DCLK2: variants seen among roughly 807,000 people sequenced by gnomAD.
The protein encoded by DCLK2 is serine/threonine-protein kinase DCLK2.
DCLK2 carries 31 observed loss-of-function variants against 78.4 expected under a neutral mutation model. That is an observed-to-expected ratio of 0.40 (90% CI 0.30 to 0.53). The LOEUF (loss-of-function observed/expected upper bound fraction) is 0.53. Ranked by LOEUF, DCLK2 falls within the 20% of genes least tolerant of loss-of-function variation. The pLI, the probability that DCLK2 is intolerant of heterozygous loss-of-function variation, is 0.61. For missense variants in DCLK2, 872 were observed against 973.7 expected, an observed-to-expected ratio of 0.90 and a Z score of 1.39; for synonymous variants, 407 against 374.9, an observed-to-expected ratio of 1.09 and a Z score of -0.99.
chr4:150,146,348 A>C (rs1374844456), intron 2 of DCLK2, among the ~76,000 whole-genome samples: 1 of 152,228 alleles, frequency 6.6e-6, no homozygotes. Context: ...ACAATTTCAC[A>C]AAGTCCTCAG....
chr4:150,243,735 TC>T (rs1459687907), intron 12 of DCLK2, among the ~76,000 whole-genome samples: 1 of 151,946 alleles, frequency 6.6e-6, no homozygotes, highest in Admixed American at 6.6e-5. Context: ...CTTTTTTTTT[TC>T]TTTTTTATAG....
chr4:150,244,620 A>C (rs1241923796), intron 12 of DCLK2, among the ~76,000 whole-genome samples: 1 of 152,258 alleles, frequency 6.6e-6, no homozygotes, highest in East Asian at 1.9e-4. Context: ...TAAAAATGCC[A>C]TGAAGGATCT....
chr4:150,193,130 G>T lies in DCLK2; in HGVS notation c.757-8G>T. On this transcript the variant is annotated splice_region_variant and splice_polypyrimidine_tract_variant and intron_variant, in intron 2 of 15. Transcript: ENST00000296550. ...AATTTATTTCTTGGACATGATTTTT[G>T]TTCTCAGGTTACTTGTCTGCAAGAC... is the stretch of plus-strand genomic sequence containing the variant. 1 of 1,559,710 alleles carries T rather than the reference G, an allele frequency of 6.4e-7. No homozygotes were observed. Among genetic ancestry groups the T allele is most frequent in the Admixed American group, 1.7e-5 (1 of 59,354 alleles).
rs1234345774 is a variant in DCLK2, at chr4:150,126,604, A to G, written c.756+23792A>G. Among the ~76,000 whole-genome samples the G allele has an allele frequency of 7.2e-5, 11 of 152,206 alleles. No individual in the cohort carries two copies. The East Asian group carries it at 2.1e-3, about 29-fold the overall frequency. The stretch of plus-strand genomic sequence containing the variant: ...TTAGGTCTTTTTTTAGGGCTTTACA[A>G]TTTTTAAAAAATATATTTTGGCTTT... On this transcript the variant is annotated intron_variant, in intron 2 of 15. Coordinates refer to ENST00000296550, the MANE Select transcript of DCLK2 (RefSeq NM_001040260.4).
chr4:150,256,453 C>A lies in DCLK2; in HGVS notation c.*206C>A. On this transcript the variant is annotated 3_prime_UTR_variant, in exon 16 of 16. Coordinates refer to ENST00000296550, the MANE Select transcript of DCLK2 (RefSeq NM_001040260.4). ...GGCTCTGCCTTCTGGTTCCTGGAGG[C>A]ATCAAAGGCTGCATCCGTTCTGCCA... is the stretch of plus-strand genomic sequence containing the variant. The A allele has an allele frequency of 1.7e-6, 1 of 604,018 alleles. No individual in the cohort carries two copies. Among genetic ancestry groups the A allele is most frequent in the Non-Finnish European group, 2.7e-6 (1 of 365,972 alleles). The allele number at this position is 604,018 out of a possible 1,614,324, so 37.4% of individuals were successfully genotyped here. A position where few individuals can be genotyped will look rare whatever the true frequency, so the allele number is the denominator to read the frequency against.
At chr4:150,110,962 T>A (rs542564324) in intron 2 of DCLK2, among the ~76,000 whole-genome samples, 1 of 152,334 alleles carries the variant, frequency 6.6e-6, no homozygotes, top group African/African-American at 2.4e-5. Context: ...GCAGTGTCTT[T>A]TTGATATAAT....
At chr4:150,254,048 T>A (rs1744378294) in intron 15 of DCLK2, among the ~76,000 whole-genome samples, 1 of 152,218 alleles carries the variant, frequency 6.6e-6, no homozygotes, top group Non-Finnish European at 1.5e-5. Context: ...CTTGGACTTG[T>A]CCTTAGCATG....
chr4:150,156,636 C>A (rs1735292573), intron 2 of DCLK2, among the ~76,000 whole-genome samples: 1 of 151,864 alleles, frequency 6.6e-6, no homozygotes, highest in South Asian at 2.1e-4. Flanking sequence ...GCCATTGCAC[C>A]TGCAGCCTCG....
intron 5 of DCLK2, among the ~76,000 whole-genome samples, chr4:150,209,017 TG>T (rs1740090554): frequency 6.6e-6 from 1 of 152,184 alleles, no homozygotes; most frequent in Admixed American, 6.5e-5. Flanking sequence ...GTGGCATAGC[TG>T]GGTGTTGAGC....
intron 7 of DCLK2, among the ~76,000 whole-genome samples, chr4:150,223,164 A>G (rs1741327767): frequency 6.6e-6 from 1 of 152,210 alleles, no homozygotes; most frequent in African/African-American, 2.4e-5. Context: ...TCTTATACAC[A>G]GACTGCCACC....
At chr4:150,204,206 G>A (rs1315673528) in intron 5 of DCLK2, among the ~76,000 whole-genome samples, 3 of 152,052 alleles carry the variant, frequency 2.0e-5, no homozygotes, top group East Asian at 1.9e-4. Flanking sequence ...GATTCGCAGC[G>A]GTGAAGCCTT....
At chr4:150,127,059 A>G (rs28806288) in intron 2 of DCLK2, among the ~76,000 whole-genome samples, 23,476 of 152,176 alleles carry the variant, frequency 0.15, 2,248 homozygotes, top group Non-Finnish European at 0.23. Context: ...AGGAAGTTAT[A>G]TTGTGCCTTT....
At chr4:150,122,381 A>T (rs1262379173) in intron 2 of DCLK2, among the ~76,000 whole-genome samples, 3 of 152,242 alleles carry the variant, frequency 2.0e-5, no homozygotes, top group African/African-American at 7.2e-5. Context: ...GATAGACTGG[A>T]TAAAGCAAAT....
At chr4:150,166,993 T>A (rs1736136858) in intron 2 of DCLK2, among the ~76,000 whole-genome samples, 1 of 152,182 alleles carries the variant, frequency 6.6e-6, no homozygotes, top group Non-Finnish European at 1.5e-5. Context: ...AAAGAGTAGT[T>A]CACTGGGCCC....
intron 2 of DCLK2, among the ~76,000 whole-genome samples, chr4:150,119,174 G>A (rs777582840): frequency 1.3e-5 from 2 of 152,050 alleles, no homozygotes; most frequent in Non-Finnish European, 2.9e-5. Context: ...ACTCTTCCAT[G>A]TTGTTGTATC....
chr4:150,203,011 A>G (rs1739564141), intron 4 of DCLK2, among the ~76,000 whole-genome samples: 2 of 152,188 alleles, frequency 1.3e-5, no homozygotes, highest in South Asian at 4.1e-4. Context: ...TTAAATTTCC[A>G]AATTTAATTT....
At chr4:150,210,572 G>A (rs771156793) in intron 5 of DCLK2, among the ~76,000 whole-genome samples, 1 of 152,052 alleles carries the variant, frequency 6.6e-6, no homozygotes, top group Non-Finnish European at 1.5e-5. Context: ...CTGGGAGGCG[G>A]AGGTTGCATT....
intron 10 of DCLK2, among the ~76,000 whole-genome samples, chr4:150,237,683 C>G (rs769804336): frequency 7.9e-5 from 12 of 152,134 alleles, no homozygotes; most frequent in Non-Finnish European, 1.5e-4. Flanking sequence ...AATCACTCCC[C>G]CTCATTAAGT....
chr4:150,224,349 G>T (rs2126541621), intron 7 of DCLK2, 152 bp from the exon 8 acceptor site: 2 of 602,476 alleles, frequency 3.3e-6, no homozygotes, highest in East Asian at 3.1e-5. Context: ...AGGAGGATCA[G>T]TTGAGCCCAG....
Sources: gnomAD v4.1 joint callset for allele counts (sites outside exome capture counted in the v4.1 genomes callset) on GRCh38, gnomAD v4.1.1 for gene constraint, MANE v1.5 for transcripts, NCBI Gene and HGNC (gene_info 2026-07-23, HGNC 2026-07-21) for gene names.